MSRB2: variants seen among roughly 807,000 people sequenced by gnomAD.
MSRB2 encodes methionine sulfoxide reductase B2.
A neutral mutation model predicts 19.0 loss-of-function variants in MSRB2; 17 were observed. That is an observed-to-expected ratio of 0.89 (90% CI 0.61 to 1.34). The LOEUF (loss-of-function observed/expected upper bound fraction) is 1.34, where lower values mean the gene tolerates loss of function less well. Ranked by LOEUF, MSRB2 falls within the 40% of genes most tolerant of loss-of-function variation. MSRB2 has a pLI of 0.00. For synonymous variants in MSRB2, 107 were observed against 99.7 expected, an observed-to-expected ratio of 1.07 and a Z score of -0.44; for missense variants, 208 against 237.6, an observed-to-expected ratio of 0.88 and a Z score of 0.82.
In MSRB2 at chr10:23,100,015, T is replaced by C. The variant is rs189309644; in HGVS notation, c.119-4129T>C. ...CTTCCAGGAGACAATAGGGTTTTTT[T>C]CTAAGCCCATTCCACTTCCTGCCTG... On this transcript the variant is annotated intron_variant, in intron 1 of 4. Transcript: ENST00000376510. Among the ~76,000 whole-genome samples the C allele has an allele frequency of 1.1e-3, 167 of 152,348 alleles. 1 individual carries two copies. Among genetic ancestry groups the C allele is most frequent in the Admixed American group, 7.8e-4 (12 of 15,302 alleles).
intron 1 of MSRB2, 136 bp downstream of exon 1, chr10:23,095,862 C>A (rs1215521168): frequency 6.5e-6 from 3 of 463,430 alleles, no homozygotes; most frequent in African/African-American, 2.0e-5. Context: ...CGCCCCTCCC[C>A]CCCCCCAGCC....
intron 3 of MSRB2, 21 bp from the exon 4 acceptor site, chr10:23,119,283 T>C (rs1477007183): frequency 1.9e-6 from 3 of 1,612,454 alleles, no homozygotes; most frequent in Admixed American, 1.7e-5. Context: ...GCAGCTGTAG[T>C]ATCGTTTATG....
At chr10:23,104,787 C>T (rs921803110) in intron 2 of MSRB2, among the ~76,000 whole-genome samples, 2 of 152,096 alleles carry the variant, frequency 1.3e-5, no homozygotes, top group African/African-American at 4.8e-5. Context: ...TCTCACATGC[C>T]CTGGGCTCCC....
chr10:23,096,958 C>A lies in MSRB2; in HGVS notation c.118+1232C>A, dbSNP rs548005186. On this transcript the variant is annotated intron_variant, in intron 1 of 4. Coordinates refer to ENST00000376510, the MANE Select transcript of MSRB2 (RefSeq NM_012228.4). ...GCAGCCTAATGAATTGCCCTGGGAT[C>A]TGAAGTTCTCCAGCAACAATAAAAT... Among the ~76,000 whole-genome samples, 86 of 152,288 alleles carry A rather than the reference C, an allele frequency of 5.6e-4. 1 individual carries two copies. The highest frequency in any genetic ancestry group is 1.9e-3 in the African/African-American group (81 of 41,552).
At position 23,104,319 on chromosome 10, in the gene MSRB2, T is replaced by C. The variant is rs1839962116; in HGVS notation, c.219+75T>C. The C allele has an allele frequency of 1.5e-5, 18 of 1,232,340 alleles. No homozygotes were observed. In the South Asian group the frequency reaches 2.2e-4, roughly 15 times the overall value. The allele number at this position is 1,232,340 out of a possible 1,614,324, so 76.3% of individuals were successfully genotyped here. On this transcript the variant is annotated intron_variant, in intron 2 of 4. Transcript: ENST00000376510. Reference sequence around the variant, plus strand: ...GGGCCAGTTGGAATAGGTCCAGCTATGAAACCCAGCTGCCCAGCAACACTC... The same window carrying C: ...GGGCCAGTTGGAATAGGTCCAGCTACGAAACCCAGCTGCCCAGCAACACTC...
chr10:23,121,006 A>G lies in MSRB2; in HGVS notation c.*144A>G, dbSNP rs1346338362. The G allele has an allele frequency of 4.8e-6, 3 of 630,658 alleles. No individual in the cohort carries two copies. Among genetic ancestry groups the G allele is most frequent in the Admixed American group, 2.8e-5 (1 of 35,606 alleles). 39.1% of individuals were successfully genotyped at this position (630,658 alleles called of 1,614,324 possible). A position where few individuals can be genotyped will look rare whatever the true frequency, so the allele number is the denominator to read the frequency against. On this transcript the variant is annotated 3_prime_UTR_variant, in exon 5 of 5. Coordinates refer to ENST00000376510, the MANE Select transcript of MSRB2 (RefSeq NM_012228.4). ...AGCGAGTCATTGCTTCTCTTAATTT[A>G]TTTACCTGGAATCAACTTAATCCTG...
chr10:23,095,626 G>C lies in MSRB2; in HGVS notation c.18G>C (p.Trp6Cys), dbSNP rs1839850511. The C allele has an allele frequency of 6.8e-7, 1 of 1,476,480 alleles. No homozygotes were observed. The highest frequency in any genetic ancestry group is 1.5e-5 in the African/African-American group (1 of 68,218). The allele number at this position is 1,476,480 out of a possible 1,614,324, so 91.5% of individuals were successfully genotyped here. ...CGGGCGTCATGGCGCGGCTCCTCTG[G>C]TTGCTCCGGGGCCTGACCCTCGGAA... MARLL[W>C]LLRGLTLGTA... Residue 6 changes from tryptophan (W) to cysteine (C), a missense_variant, in exon 1 of 5, where the codon TGG becomes TGC. Trp to Cys is a radical substitution (Grantham distance 215). Transcript: ENST00000376510.
At chr10:23,111,827 TAATTTAA>T (rs774918545) in intron 3 of MSRB2, among the ~76,000 whole-genome samples, 56 of 101,234 alleles carry the variant, frequency 5.5e-4, no homozygotes, top group Admixed American at 4.1e-3. Flanking sequence ...TAATTTTAAT[TAATTTAA>T]ACTTAAATTT....
At chr10:23,111,679 C>T (rs528889371) in intron 3 of MSRB2, among the ~76,000 whole-genome samples, 33 of 152,302 alleles carry the variant, frequency 2.2e-4, no homozygotes, top group African/African-American at 7.9e-4. Context: ...AGTAGAACTT[C>T]CTGTGGTGAT....
intron 4 of MSRB2, among the ~76,000 whole-genome samples, chr10:23,119,850 C>T (rs1362163399): frequency 2.6e-5 from 4 of 152,278 alleles, no homozygotes; most frequent in African/African-American, 9.6e-5. Flanking sequence ...CTGCCTCGGC[C>T]TCCCAAAGTG....
intron 2 of MSRB2, among the ~76,000 whole-genome samples, chr10:23,105,815 C>T (rs1241199290): frequency 6.6e-6 from 1 of 152,320 alleles, no homozygotes; most frequent in East Asian, 1.9e-4. Context: ...TTTTCCAATG[C>T]TAAAGTCATC....
chr10:23,097,492 A>T (rs1839881159), intron 1 of MSRB2, among the ~76,000 whole-genome samples: 1 of 152,228 alleles, frequency 6.6e-6, no homozygotes, highest in South Asian at 2.1e-4. Flanking sequence ...AGGAAGGACC[A>T]CTAATCCCTC....
chr10:23,115,466 T>A (rs1467895475), intron 3 of MSRB2, among the ~76,000 whole-genome samples: 1 of 152,172 alleles, frequency 6.6e-6, no homozygotes, highest in East Asian at 1.9e-4. Context: ...TATGCCCCAT[T>A]CCCTCAAAGG....
rs763430587 is a variant in MSRB2, at chr10:23,120,894, C to T, written c.*32C>T. 67 of 1,496,448 alleles carry T rather than the reference C, an allele frequency of 4.5e-5. No individual in the cohort carries two copies. The highest frequency in any genetic ancestry group is 6.0e-5 in the Non-Finnish European group (65 of 1,077,636). 92.7% of individuals were successfully genotyped at this position (1,496,448 alleles called of 1,614,324 possible). A position where few individuals can be genotyped will look rare whatever the true frequency, so the allele number is the denominator to read the frequency against. On this transcript the variant is annotated 3_prime_UTR_variant, in exon 5 of 5. Coordinates refer to ENST00000376510, the MANE Select transcript of MSRB2 (RefSeq NM_012228.4). ...TCAAGAGTCCCGTTCCCTTGCCACC[C>T]CTTCACGTGCACCCTCAATTTCCAC...
chr10:23,104,742 C>T (rs59658981), intron 2 of MSRB2, among the ~76,000 whole-genome samples: 27,787 of 152,086 alleles, frequency 0.18, 3,058 homozygotes, highest in South Asian at 0.26. Context: ...CATCTTCCCT[C>T]TTGACACGGT....
At chr10:23,120,272 A>C (rs192464229) in intron 4 of MSRB2, among the ~76,000 whole-genome samples, 2 of 152,294 alleles carry the variant, frequency 1.3e-5, no homozygotes, top group Admixed American at 6.5e-5. Context: ...CCAGATCACA[A>C]ATTCATTTTG....
At chr10:23,119,929 G>T (rs1840163672) in intron 4 of MSRB2, among the ~76,000 whole-genome samples, 1 of 152,264 alleles carries the variant, frequency 6.6e-6, no homozygotes, top group Non-Finnish European at 1.5e-5. Flanking sequence ...TGCCAATAAC[G>T]ATCACTCTCT....
At chr10:23,095,858 T>TCCC (rs55816790) in intron 1 of MSRB2, 132 bp downstream of exon 1, 112 of 395,012 alleles carry the variant, frequency 2.8e-4, no homozygotes, top group Middle Eastern at 1.5e-3. Flanking sequence ...GGCGCGCCCC[T>TCCC]CCCCCCCCCC....
chr10:23,096,352 C>CTCTCTCTCTGTGTGTGTG, intron 1 of MSRB2, among the ~76,000 whole-genome samples: 1 of 142,832 alleles, frequency 7.0e-6, no homozygotes, highest in East Asian at 2.0e-4. Flanking sequence ...CTCTCTCTCT[C>CTCTCTCTCTGTGTGTGTG]TGTGTGTGTG....
Sources: allele counts gnomAD v4.1 joint callset (sites outside exome capture counted in the v4.1 genomes callset), GRCh38; gene constraint gnomAD v4.1.1; transcripts MANE v1.5; gene names NCBI Gene and HGNC (gene_info 2026-07-23, HGNC 2026-07-21).